The following CAMK1D variants were observed in gnomAD, a reference collection of about 807,000 sequenced individuals.
CAMK1D encodes the protein calcium/calmodulin dependent protein kinase ID.
In CAMK1D, 9 loss-of-function variants were observed where a neutral mutation model predicts 47.7. The observed-to-expected ratio is 0.19, with a 90% CI of 0.11 to 0.33. The LOEUF (loss-of-function observed/expected upper bound fraction) is 0.33, where lower values mean the gene tolerates loss of function less well. Among genes scored for constraint, CAMK1D ranks in the 10% least tolerant of loss-of-function variants. CAMK1D has a pLI of 1.00. For synonymous variants in CAMK1D, 184 were observed against 184.9 expected (o/e 0.99, Z 0.04); for missense variants, 291 against 488.7 (o/e 0.60, Z 3.81).
intron 1 of CAMK1D, among the ~76,000 whole-genome samples, chr10:12,448,121 T>C (rs561103667): frequency 6.6e-6 from 1 of 152,328 alleles, no homozygotes; most frequent in African/African-American, 2.4e-5. Flanking sequence ...CCCAAAGTGT[T>C]GGGATTACAG....
intron 3 of CAMK1D, among the ~76,000 whole-genome samples, chr10:12,732,811 T>C (rs533779393): frequency 6.6e-6 from 1 of 152,076 alleles, no homozygotes; most frequent in Admixed American, 6.5e-5. Flanking sequence ...TAGCATCCGA[T>C]AGGATCACCT....
rs529339343 is a variant in CAMK1D at position 12,606,657 on chromosome 10, C to T, written c.224+53301C>T. 2.6e-5 allele frequency among the ~76,000 whole-genome samples: 4 copies of T among 152,294 alleles called. No individual in the cohort carries two copies. In the East Asian group the frequency reaches 7.7e-4, roughly 29 times the overall value. On this transcript the variant is annotated intron_variant, in intron 2 of 10. Coordinates refer to ENST00000619168, the MANE Select transcript of CAMK1D (RefSeq NM_153498.4). ...CTGCCGTATGTATAATCAGGGCTCT[C>T]ATGCGTTGATCCCTGTGGCGTCTCG...
At chr10:12,774,314 A>G (rs575908970) in intron 5 of CAMK1D, among the ~76,000 whole-genome samples, 2 of 152,174 alleles carry the variant, frequency 1.3e-5, no homozygotes, top group Admixed American at 1.3e-4. Flanking sequence ...CCTCACTAAG[A>G]GGGTGGCCGT....
In CAMK1D at chr10:12,828,844, C is replaced by T. The variant is rs1160301011; in HGVS notation, c.1115C>T (p.Pro372Leu). 3 of 1,613,476 alleles carry T rather than the reference C, an allele frequency of 1.9e-6. No homozygotes were observed. Among genetic ancestry groups the T allele is most frequent in the Admixed American group, 3.3e-5 (2 of 59,978 alleles). Reference sequence around the variant, plus strand: ...TCAGGAGTTGGAGCCGAGCGGAGACCCAGGCCCACCACTGTGACGGCAGTG... The same window carrying T: ...TCAGGAGTTGGAGCCGAGCGGAGACTCAGGCCCACCACTGTGACGGCAGTG... Reference protein sequence around the residue: ...GVSGVGAERRPRPTTVTAVHS... With the variant: ...GVSGVGAERRLRPTTVTAVHS... Residue 372 changes from proline to leucine, a missense_variant, in exon 11 of 11, where the codon CCC (proline) becomes CTC (leucine). Pro to Leu is a moderately conservative substitution (Grantham distance 98). Coordinates refer to ENST00000619168, the MANE Select transcript of CAMK1D (RefSeq NM_153498.4).
intron 1 of CAMK1D, among the ~76,000 whole-genome samples, chr10:12,445,339 A>G (rs1459309634): frequency 1.3e-5 from 2 of 152,250 alleles, no homozygotes; most frequent in Non-Finnish European, 2.9e-5. Context: ...GTTTACACCA[A>G]TTAGAGTTCA....
intron 1 of CAMK1D, among the ~76,000 whole-genome samples, chr10:12,493,817 A>G (rs1167123322): frequency 6.6e-6 from 1 of 152,046 alleles, no homozygotes; most frequent in Non-Finnish European, 1.5e-5. Context: ...TTAGTTATCT[A>G]GGTTATGTGG....
intron 3 of CAMK1D, among the ~76,000 whole-genome samples, chr10:12,682,553 G>A (rs914409307): frequency 3.3e-5 from 5 of 152,288 alleles, no homozygotes; most frequent in Middle Eastern, 3.4e-3. Context: ...AAGATTTGCT[G>A]TGAATATAGA....
chr10:12,507,301 T>G (rs145015693), intron 1 of CAMK1D, among the ~76,000 whole-genome samples: 1 of 152,210 alleles, frequency 6.6e-6, no homozygotes, highest in Non-Finnish European at 1.5e-5. Flanking sequence ...AGTAGGTTTC[T>G]TATATAAGCT....
chr10:12,637,218 C>T (rs901183400), intron 2 of CAMK1D, among the ~76,000 whole-genome samples: 2 of 152,102 alleles, frequency 1.3e-5, no homozygotes, highest in Non-Finnish European at 2.9e-5. Flanking sequence ...GTGATCCACC[C>T]GCCTCAGCCT....
At chr10:12,492,230 C>T (rs1834407443) in intron 1 of CAMK1D, among the ~76,000 whole-genome samples, 1 of 151,810 alleles carries the variant, frequency 6.6e-6, no homozygotes, top group Non-Finnish European at 1.5e-5. Context: ...TTCACGGTGC[C>T]AGGTTTGTGG....
intron 1 of CAMK1D, among the ~76,000 whole-genome samples, chr10:12,522,351 G>A (rs2815648): frequency 0.045 from 5,198 of 114,824 alleles, 643 homozygotes; most frequent in African/African-American, 0.12. Flanking sequence ...GCGGCCCTCC[G>A]CAGTGTTTGT....
intron 3 of CAMK1D, among the ~76,000 whole-genome samples, chr10:12,698,463 A>G (rs1179827171): frequency 1.3e-5 from 2 of 152,168 alleles, no homozygotes; most frequent in Non-Finnish European, 2.9e-5. Flanking sequence ...GGAGACTTCA[A>G]AAAGTTCATG....
chr10:12,485,132 C>T (rs1023279297), intron 1 of CAMK1D, among the ~76,000 whole-genome samples: 7 of 152,190 alleles, frequency 4.6e-5, no homozygotes, highest in Admixed American at 2.6e-4. Context: ...AGAATGCACA[C>T]GGGCCTGAAA....
At chr10:12,376,527 G>A (rs908126042) in intron 1 of CAMK1D, among the ~76,000 whole-genome samples, 1 of 152,148 alleles carries the variant, frequency 6.6e-6, no homozygotes, top group Middle Eastern at 3.2e-3. Flanking sequence ...GCACCTTCAT[G>A]TGTTGGTGTG....
chr10:12,577,019 A>G (rs1208839170), intron 2 of CAMK1D, among the ~76,000 whole-genome samples: 1 of 152,208 alleles, frequency 6.6e-6, no homozygotes, highest in Non-Finnish European at 1.5e-5. Flanking sequence ...CAGTTCCAGA[A>G]CACTTTCACG....
chr10:12,770,380 G>C (rs530201462), intron 5 of CAMK1D, among the ~76,000 whole-genome samples: 1 of 152,292 alleles, frequency 6.6e-6, no homozygotes, highest in African/African-American at 2.4e-5. Context: ...TGAACACTTG[G>C]ATTCTGATGT....
Position 12,428,575 on chromosome 10 carries a change from A to G in CAMK1D, c.92+78665A>G, listed in dbSNP as rs1840330889. Among the ~76,000 whole-genome samples the G allele has an allele frequency of 2.0e-5, 3 of 151,812 alleles. No individual in the cohort carries two copies. The South Asian group carries it at 6.2e-4, about 32-fold the overall frequency. The stretch of plus-strand genomic sequence containing the variant: ...TCTGCCTTTCATCCCGTTCCTCTTC[A>G]ACTTCGCCTCCCCACTGAGCCAGGG... On this transcript the variant is annotated intron_variant, in intron 1 of 10. Coordinates refer to ENST00000619168, the MANE Select transcript of CAMK1D (RefSeq NM_153498.4).
At chr10:12,825,424 G>A in intron 9 of CAMK1D, 149 bp from the exon 10 acceptor site, 1 of 666,920 alleles carries the variant, frequency 1.5e-6, no homozygotes, top group Non-Finnish European at 2.4e-6. Context: ...TAGAAGAAGG[G>A]ACAACATAAG....
intron 3 of CAMK1D, among the ~76,000 whole-genome samples, chr10:12,698,704 C>A (rs1341894623): frequency 1.1e-5 from 1 of 94,114 alleles, no homozygotes; most frequent in Middle Eastern, 0.011. Context: ...GACGGAGTGT[C>A]GCTCTGTCAC....
Sources: allele counts gnomAD v4.1 joint callset (sites outside exome capture counted in the v4.1 genomes callset), GRCh38; gene constraint gnomAD v4.1.1; transcripts MANE v1.5; gene names NCBI Gene and HGNC (gene_info 2026-07-23, HGNC 2026-07-21).